The following HSF2BP variants were observed in gnomAD, a reference collection of about 807,000 sequenced individuals.
The protein encoded by HSF2BP is heat shock transcription factor 2 binding protein.
Under a neutral mutation model 35.0 loss-of-function variants are expected in HSF2BP, and 35 were observed. The observed-to-expected ratio is 1.00, with a 90% confidence interval of 0.76 to 1.32. The LOEUF (loss-of-function observed/expected upper bound fraction) is 1.32, where lower values mean the gene tolerates loss of function less well. Ranked by LOEUF, HSF2BP falls within the 40% of genes most tolerant of loss-of-function variation. The probability of loss-of-function intolerance (pLI) is 0.00; values close to 1 mark genes in which losing one functional copy is unlikely to be tolerated. For missense variants in HSF2BP, 326 were observed against 321.7 expected, an observed-to-expected ratio of 1.01 and a Z score of -0.10; for synonymous variants, 114 against 117.4, an observed-to-expected ratio of 0.97 and a Z score of 0.18.
the HSF2BP span, among the ~76,000 whole-genome samples, chr21:43,467,957 A>C: frequency 1.6e-5 from 1 of 63,408 alleles, no homozygotes. Flanking sequence ...CACACACCAC[A>C]CTTACACCAC....
At chr21:43,574,331 CT>C (rs1568877255) in intron 8 of HSF2BP, among the ~76,000 whole-genome samples, 1 of 152,026 alleles carries the variant, frequency 6.6e-6, no homozygotes, top group Non-Finnish European at 1.5e-5. Context: ...GTTCCTAAAC[CT>C]TTTTTTGAGT....
chr21:43,505,854 T>A, the HSF2BP span, among the ~76,000 whole-genome samples: 1 of 131,116 alleles, frequency 7.6e-6, no homozygotes, highest in Non-Finnish European at 1.7e-5. Flanking sequence ...GTCACATATG[T>A]ATGTTTCTCC....
At chr21:43,622,311 A>G (rs1490837337) in intron 6 of HSF2BP, among the ~76,000 whole-genome samples, 1 of 152,220 alleles carries the variant, frequency 6.6e-6, no homozygotes, top group Non-Finnish European at 1.5e-5. Context: ...ATTAGCAGTA[A>G]TAAGTCCTTA....
chr21:43,581,398 A>G (rs1484993511), intron 8 of HSF2BP, among the ~76,000 whole-genome samples: 2 of 151,538 alleles, frequency 1.3e-5, no homozygotes, highest in African/African-American at 2.4e-5. Flanking sequence ...AAAAAAAAAA[A>G]GAAAGAAAAG....
intron 8 of HSF2BP, among the ~76,000 whole-genome samples, chr21:43,576,573 G>T (rs1024319819): frequency 6.6e-6 from 1 of 152,130 alleles, no homozygotes; most frequent in Non-Finnish European, 1.5e-5. Flanking sequence ...TATATAGAAG[G>T]CAACCCTCCA....
chr21:43,655,523 CG>C (rs1195170015), intron 3 of HSF2BP, among the ~76,000 whole-genome samples: 3 of 152,262 alleles, frequency 2.0e-5, no homozygotes, highest in Non-Finnish European at 4.4e-5. Context: ...GCTAGGACTA[CG>C]GAAGAGGCCT....
rs144176747 is a variant in HSF2BP at position 43,573,039 on chromosome 21, T to G, written c.796+19186A>C. ...CACCTGGTCCTTACGAGGCTCTAAG[T>G]GTTTGGTGAATACATGAATGAGCCC... On this transcript the variant is annotated intron_variant, in intron 8 of 8. Coordinates refer to ENST00000291560, the MANE Select transcript of HSF2BP (RefSeq NM_007031.2). 7.5e-4 allele frequency among the ~76,000 whole-genome samples: 114 copies of G among 152,280 alleles called. 1 individual carries two copies. Among genetic ancestry groups the G allele is most frequent in the African/African-American group, 2.5e-3 (105 of 41,552 alleles).
intron 8 of HSF2BP, among the ~76,000 whole-genome samples, chr21:43,587,729 T>C (rs1192245653): frequency 1.4e-5 from 2 of 148,136 alleles, no homozygotes; most frequent in African/African-American, 5.0e-5. Flanking sequence ...AAAAATTGCA[T>C]TAACACAACT....
At chr21:43,605,624 C>T (rs2082125677) in intron 7 of HSF2BP, among the ~76,000 whole-genome samples, 1 of 150,480 alleles carries the variant, frequency 6.6e-6, no homozygotes, top group Admixed American at 6.6e-5. Context: ...CATAGCCACA[C>T]ACACCATGCA....
At chr21:43,575,802 A>C (rs1358605761) in intron 8 of HSF2BP, among the ~76,000 whole-genome samples, 1 of 152,216 alleles carries the variant, frequency 6.6e-6, no homozygotes, top group African/African-American at 2.4e-5. Flanking sequence ...GACAGTGGTA[A>C]GTGCTAAGGA....
chr21:43,603,032 G>A (rs781779293), intron 7 of HSF2BP, among the ~76,000 whole-genome samples: 4 of 151,740 alleles, frequency 2.6e-5, no homozygotes, highest in Non-Finnish European at 5.9e-5. Flanking sequence ...TGGGCAGTGA[G>A]GAAAAAAAAT....
intron 3 of HSF2BP, among the ~76,000 whole-genome samples, chr21:43,654,554 G>A (rs565605543): frequency 7.2e-5 from 11 of 152,008 alleles, no homozygotes; most frequent in Admixed American, 2.6e-4. Context: ...ACAGTTTCTC[G>A]GTGTTCTGGT....
At chr21:43,620,013 TG>T (rs1490556614) in intron 6 of HSF2BP, among the ~76,000 whole-genome samples, 2 of 152,192 alleles carry the variant, frequency 1.3e-5, no homozygotes, top group Non-Finnish European at 2.9e-5. Context: ...AAGGTAAACC[TG>T]GGCTTAAGGC....
At chr21:43,646,378 C>T (rs1348737247) in intron 3 of HSF2BP, among the ~76,000 whole-genome samples, 2 of 152,180 alleles carry the variant, frequency 1.3e-5, no homozygotes, top group African/African-American at 2.4e-5. Context: ...AATGGAAATA[C>T]ATTATTTATA....
chr21:43,624,623 G>T (rs73908346), intron 6 of HSF2BP, among the ~76,000 whole-genome samples: 3 of 152,128 alleles, frequency 2.0e-5, no homozygotes, highest in African/African-American at 7.2e-5. Flanking sequence ...GTCCCTGGAA[G>T]ACTAAGCTGG....
At chr21:43,594,812 A>G (rs983784010) in intron 7 of HSF2BP, among the ~76,000 whole-genome samples, 20 of 152,218 alleles carry the variant, frequency 1.3e-4, no homozygotes, top group Admixed American at 9.8e-4. Context: ...GAAAAACAAA[A>G]TATGACAGAA....
chr21:43,657,963 G>C (rs140136596), intron 2 of HSF2BP, 98 bp downstream of exon 2: 4 of 1,522,418 alleles, frequency 2.6e-6, no homozygotes, highest in Non-Finnish European at 2.6e-6. Context: ...CCAAGCACGC[G>C]ACAGCGAGCC....
chr21:43,577,116 C>T (rs1429672379), intron 8 of HSF2BP, among the ~76,000 whole-genome samples: 1 of 152,216 alleles, frequency 6.6e-6, no homozygotes, highest in Non-Finnish European at 1.5e-5. Flanking sequence ...CACCCCATCC[C>T]TCGACCTCCA....
intron 7 of HSF2BP, among the ~76,000 whole-genome samples, chr21:43,607,109 C>A (rs528173992): frequency 6.6e-6 from 1 of 151,862 alleles, no homozygotes; most frequent in African/African-American, 2.4e-5. Context: ...TGCAACATGG[C>A]GAAACCCTGT....
Sources: gnomAD v4.1 joint callset for allele counts (sites outside exome capture counted in the v4.1 genomes callset) on GRCh38, gnomAD v4.1.1 for gene constraint, MANE v1.5 for transcripts, NCBI Gene and HGNC (gene_info 2026-07-23, HGNC 2026-07-21) for gene names.